The following IL1RAP variants were observed in gnomAD, a reference collection of about 807,000 sequenced individuals.
IL1RAP encodes the protein interleukin 1 receptor accessory protein.
IL1RAP carries 35 observed loss-of-function variants against 60.7 expected under a neutral mutation model. The ratio of observed to expected loss-of-function variants is 0.58; its 90% CI spans 0.44 to 0.76. IL1RAP has a LOEUF of 0.76. Ranked by LOEUF, IL1RAP falls within the 30% of genes least tolerant of loss-of-function variation. The pLI is 0.00. For synonymous variants in IL1RAP, 268 were observed against 250.9 expected (o/e 1.07, Z -0.64); for missense variants, 572 against 693.9 (o/e 0.82, Z 1.97).
intron 9 of IL1RAP, among the ~76,000 whole-genome samples, chr3:190,634,230 A>G (rs917133871): frequency 4.6e-5 from 7 of 150,834 alleles, no homozygotes; most frequent in Admixed American, 2.0e-4. Context: ...TCCTTTTTAT[A>G]TATTACTGGA....
intron 3 of IL1RAP, among the ~76,000 whole-genome samples, chr3:190,573,079 G>A (rs1314619608): frequency 7.6e-5 from 4 of 52,350 alleles, no homozygotes; most frequent in Non-Finnish European, 1.4e-4. Flanking sequence ...TAGCCGGGAT[G>A]GTCTCGATCT....
chr3:190,650,143 T>C lies in IL1RAP; in HGVS notation c.*1438T>C. 1.0e-6 allele frequency: 1 copy of C among 983,754 alleles called. No homozygotes were observed. The highest frequency in any genetic ancestry group is 1.2e-6 in the Non-Finnish European group (1 of 828,474). 60.9% of individuals were successfully genotyped at this position (983,754 alleles called of 1,614,324 possible). ...CTATGGGTACAATATTAAAAACCAC[T>C]GGAACTCTTGTCCAGTTTTTAAATT... On this transcript the variant is annotated 3_prime_UTR_variant, in exon 12 of 12. Transcript: ENST00000447382.
chr3:190,657,280 C>T (rs988848954), exon 12 of IL1RAP: 3 of 152,074 alleles, frequency 2.0e-5, no homozygotes, highest in African/African-American at 7.2e-5. Flanking sequence ...GAGAGTATTC[C>T]ATTTCAGAAA....
chr3:190,525,594 A>T (rs1722440347), intron 1 of IL1RAP, among the ~76,000 whole-genome samples: 1 of 152,194 alleles, frequency 6.6e-6, no homozygotes, highest in Admixed American at 6.5e-5. Context: ...TAAGATGAGA[A>T]GACCAACTGC....
intron 5 of IL1RAP, among the ~76,000 whole-genome samples, chr3:190,610,974 G>C (rs770285506): frequency 6.6e-6 from 1 of 152,174 alleles, no homozygotes; most frequent in Non-Finnish European, 1.5e-5. Context: ...TTTGGATGAT[G>C]ATAGGAAATC....
At chr3:190,546,884 C>T (rs73886471) in intron 1 of IL1RAP, among the ~76,000 whole-genome samples, 56 of 152,238 alleles carry the variant, frequency 3.7e-4, no homozygotes, top group African/African-American at 1.2e-3. Context: ...TCCAGTTACA[C>T]GAAATAGCTT....
chr3:190,540,231 C>A (rs1468131639), intron 1 of IL1RAP, among the ~76,000 whole-genome samples: 2 of 151,736 alleles, frequency 1.3e-5, no homozygotes, highest in Non-Finnish European at 2.9e-5. Flanking sequence ...TTCACATATC[C>A]CTCTCTCTCT....
chr3:190,557,926 C>G (rs1402686643), intron 2 of IL1RAP, among the ~76,000 whole-genome samples: 1 of 152,044 alleles, frequency 6.6e-6, no homozygotes, highest in Non-Finnish European at 1.5e-5. Flanking sequence ...CTCTCATGTG[C>G]CCTTCTTTTG....
intron 1 of IL1RAP, among the ~76,000 whole-genome samples, chr3:190,521,173 T>C (rs150201405): frequency 1.8e-3 from 276 of 152,330 alleles, no homozygotes; most frequent in African/African-American, 6.0e-3. Context: ...TTCCATTGCA[T>C]GCCCAGATGG....
intron 1 of IL1RAP, among the ~76,000 whole-genome samples, chr3:190,524,362 T>C (rs1166706984): frequency 1.3e-5 from 2 of 152,130 alleles, no homozygotes; most frequent in African/African-American, 4.8e-5. Flanking sequence ...AATTAGATCC[T>C]ATTTGTCAAT....
intron 7 of IL1RAP, chr3:190,625,151 A>G (rs1732140611): frequency 6.6e-6 from 1 of 152,400 alleles, no homozygotes; most frequent in Non-Finnish European, 1.5e-5. Flanking sequence ...ATAAAGCTTT[A>G]TAGACCTTAA....
chr3:190,608,921 A>T, intron 4 of IL1RAP, 74 bp from the exon 5 acceptor site: 1 of 1,136,042 alleles, frequency 8.8e-7, no homozygotes, highest in Non-Finnish European at 1.3e-6. Context: ...GGCTTCACTT[A>T]GTTCATTTGA....
At chr3:190,623,664 A>G (rs1207169730) in intron 7 of IL1RAP, among the ~76,000 whole-genome samples, 2 of 152,134 alleles carry the variant, frequency 1.3e-5, no homozygotes, top group Admixed American at 1.3e-4. Context: ...TCCTCTGCTG[A>G]TGAGTGATTT....
At chr3:190,613,730 G>A (rs1731024215) in intron 5 of IL1RAP, among the ~76,000 whole-genome samples, 1 of 152,054 alleles carries the variant, frequency 6.6e-6, no homozygotes, top group Non-Finnish European at 1.5e-5. Flanking sequence ...CTACTCCGGA[G>A]GCTGAGGCAG....
intron 1 of IL1RAP, among the ~76,000 whole-genome samples, chr3:190,540,008 T>C (rs886805842): frequency 2.6e-5 from 4 of 152,106 alleles, no homozygotes; most frequent in East Asian, 1.9e-4. Flanking sequence ...AAATGAATTA[T>C]AGGAACCAAA....
At chr3:190,543,241 A>G (rs1233791244) in intron 1 of IL1RAP, among the ~76,000 whole-genome samples, 2 of 152,152 alleles carry the variant, frequency 1.3e-5, no homozygotes, top group Non-Finnish European at 2.9e-5. Context: ...GAAAGAAATG[A>G]GTGTTGAGAG....
At chr3:190,568,009 C>T (rs115412834) in intron 3 of IL1RAP, among the ~76,000 whole-genome samples, 1,698 of 152,030 alleles carry the variant, frequency 0.011, 35 homozygotes, top group African/African-American at 0.038. Context: ...CCTGTGATCC[C>T]AAGTTGAGGA....
At chr3:190,631,051 T>A (rs1230905961) in intron 9 of IL1RAP, among the ~76,000 whole-genome samples, 1 of 152,174 alleles carries the variant, frequency 6.6e-6, no homozygotes, top group African/African-American at 2.4e-5. Flanking sequence ...GTCTGGATTT[T>A]AAAAAATCAA....
chr3:190,607,112 C>A (rs1317373274), intron 4 of IL1RAP, among the ~76,000 whole-genome samples: 7 of 152,064 alleles, frequency 4.6e-5, no homozygotes, highest in African/African-American at 1.7e-4. Context: ...ATCTTTAACA[C>A]CCCTCCCTCC....
Sources: allele counts gnomAD v4.1 joint callset (sites outside exome capture counted in the v4.1 genomes callset), GRCh38; gene constraint gnomAD v4.1.1; transcripts MANE v1.5; gene names NCBI Gene and HGNC (gene_info 2026-07-23, HGNC 2026-07-21).